The following LRP1B variants were observed in gnomAD, a reference collection of about 807,000 sequenced individuals.
LRP1B encodes the protein LDL receptor related protein 1B.
In LRP1B, 217 loss-of-function variants were observed where a neutral mutation model predicts 556.6. The observed-to-expected ratio is 0.39, with a 90% CI of 0.35 to 0.44. LRP1B has a LOEUF of 0.44. Ranked by LOEUF, LRP1B falls within the 20% of genes least tolerant of loss-of-function variation. The pLI is 1.00. For missense variants in LRP1B, 5,053 were observed against 5,620.8 expected, an observed-to-expected ratio of 0.90 and a Z score of 3.23; for synonymous variants, 2,047 against 1,865.8, an observed-to-expected ratio of 1.10 and a Z score of -2.50.
chr2:140,278,418 G>A (rs1682775888), intron 84 of LRP1B, among the ~76,000 whole-genome samples: 1 of 151,952 alleles, frequency 6.6e-6, no homozygotes, highest in Admixed American at 6.6e-5. Flanking sequence ...ACCTTAGAAT[G>A]TTTTAGAAAT....
At chr2:141,747,792 C>T (rs1321183778) in intron 2 of LRP1B, among the ~76,000 whole-genome samples, 3 of 152,068 alleles carry the variant, frequency 2.0e-5, no homozygotes, top group Admixed American at 2.0e-4. Flanking sequence ...TAGATAATAA[C>T]AACTCAAATT....
At chr2:141,798,573 G>C (rs1013419252) in intron 2 of LRP1B, among the ~76,000 whole-genome samples, 1 of 151,696 alleles carries the variant, frequency 6.6e-6, no homozygotes, top group Admixed American at 6.6e-5. Context: ...TGGGCGTGGT[G>C]GTGGGTGCCT....
At chr2:140,817,758 T>C (rs890904604) in intron 31 of LRP1B, among the ~76,000 whole-genome samples, 3 of 152,122 alleles carry the variant, frequency 2.0e-5, no homozygotes, top group Non-Finnish European at 4.4e-5. Context: ...TAAATAAATA[T>C]ACTATGCAGT....
chr2:140,435,228 T>C (rs1040978503), intron 66 of LRP1B, among the ~76,000 whole-genome samples: 2 of 151,790 alleles, frequency 1.3e-5, no homozygotes, highest in African/African-American at 4.8e-5. Context: ...TAAATCTCCA[T>C]ATTTCTTACA....
At chr2:141,167,961 G>A (rs1466621278) in intron 7 of LRP1B, among the ~76,000 whole-genome samples, 5 of 152,084 alleles carry the variant, frequency 3.3e-5, no homozygotes, top group Non-Finnish European at 7.4e-5. Flanking sequence ...CAACTACTCT[G>A]TGCTAGATGA....
At position 140,495,474 on chromosome 2, in the gene LRP1B, A is replaced by G. The variant is rs1014780911; in HGVS notation, c.9034+91T>C. 4.2e-6 allele frequency: 5 copies of G among 1,191,898 alleles called. No homozygotes were observed. The African/African-American group carries it at 4.5e-5, about 11-fold the overall frequency. The allele number at this position is 1,191,898 out of a possible 1,614,324, so 73.8% of individuals were successfully genotyped here. A position where few individuals can be genotyped will look rare whatever the true frequency, so the allele number is the denominator to read the frequency against. ...AGAATTTTGATTTTTCAGAAGCATC[A>G]AGGAGGAGTGAATTCAATAAGAACG... On this transcript the variant is annotated intron_variant, in intron 56 of 90. Transcript: ENST00000389484.
chr2:140,917,185 T>C (rs1294313228), intron 21 of LRP1B, among the ~76,000 whole-genome samples: 2 of 152,152 alleles, frequency 1.3e-5, no homozygotes, highest in African/African-American at 4.8e-5. Flanking sequence ...TCTGGAACAG[T>C]AACAACACTA....
intron 7 of LRP1B, among the ~76,000 whole-genome samples, chr2:141,106,440 T>A (rs2104952284): frequency 6.6e-6 from 1 of 152,150 alleles, no homozygotes; most frequent in Admixed American, 6.6e-5. Context: ...AATAAATAAA[T>A]AAAAGTTATA....
intron 11 of LRP1B, among the ~76,000 whole-genome samples, chr2:141,031,978 T>A (rs1698386419): frequency 6.6e-6 from 1 of 152,042 alleles, no homozygotes. Flanking sequence ...TTTGTTATTT[T>A]CTTTGTAATT....
At chr2:142,080,600 T>A (rs1268960452) in intron 1 of LRP1B, among the ~76,000 whole-genome samples, 1 of 144,982 alleles carries the variant, frequency 6.9e-6, no homozygotes, top group Non-Finnish European at 1.5e-5. Context: ...CCCAATGTAA[T>A]AAAAGCAATC....
At chr2:140,739,760 T>C (rs1224292905) in intron 35 of LRP1B, among the ~76,000 whole-genome samples, 1 of 152,078 alleles carries the variant, frequency 6.6e-6, no homozygotes, top group African/African-American at 2.4e-5. Context: ...TCTCAGAAAA[T>C]CTTCACAATC....
chr2:140,767,301 T>C (rs13419786), intron 35 of LRP1B, among the ~76,000 whole-genome samples: 10,237 of 151,970 alleles, frequency 0.067, 847 homozygotes, highest in African/African-American at 0.18. Context: ...TTTCTGAAAA[T>C]AACTTTTTCC....
chr2:140,323,525 G>A (rs1680274548), intron 81 of LRP1B, among the ~76,000 whole-genome samples: 1 of 151,910 alleles, frequency 6.6e-6, no homozygotes. Flanking sequence ...ACTGGGTGCA[G>A]CACACCAACA....
At chr2:140,616,691 G>T (rs185804737) in intron 41 of LRP1B, among the ~76,000 whole-genome samples, 2,087 of 151,702 alleles carry the variant, frequency 0.014, 23 homozygotes, top group Middle Eastern at 0.034. Flanking sequence ...GGTATAAATT[G>T]TTTATTAATA....
At chr2:140,934,771 G>A (rs376889581) in intron 20 of LRP1B, among the ~76,000 whole-genome samples, 4 of 152,194 alleles carry the variant, frequency 2.6e-5, no homozygotes, top group East Asian at 3.9e-4. Context: ...TCTCTCCATC[G>A]TTACAAGTCC....
chr2:141,453,599 A>G (rs908732809), intron 3 of LRP1B, among the ~76,000 whole-genome samples: 5 of 152,142 alleles, frequency 3.3e-5, no homozygotes, highest in African/African-American at 1.2e-4. Flanking sequence ...TGCTTCCATA[A>G]TTATTTTGAA....
intron 2 of LRP1B, among the ~76,000 whole-genome samples, chr2:141,740,444 A>G (rs931530236): frequency 6.6e-6 from 1 of 152,158 alleles, no homozygotes; most frequent in Admixed American, 6.6e-5. Flanking sequence ...AACTTTTAAC[A>G]TTATTTTTAA....
rs576564551 is a variant in LRP1B, at chr2:141,527,446, A to G, written c.206-46913T>C. Among the ~76,000 whole-genome samples, 9 of 152,180 alleles carry G rather than the reference A, an allele frequency of 5.9e-5. No homozygotes were observed. The South Asian group carries it at 1.7e-3, about 28-fold the overall frequency. ...AAAATCACCAATTCTAGTCACAACC[A>G]GGGAGGAAATTTAGTAACTCTTCAT... On this transcript the variant is annotated intron_variant, in intron 2 of 90. Transcript: ENST00000389484.
chr2:141,910,964 C>T (rs1385231891), intron 1 of LRP1B, among the ~76,000 whole-genome samples: 2 of 151,842 alleles, frequency 1.3e-5, no homozygotes, highest in Non-Finnish European at 2.9e-5. Flanking sequence ...TCAAATGTTC[C>T]AATAAATTTG....
Sources: gnomAD v4.1 joint callset for allele counts (sites outside exome capture counted in the v4.1 genomes callset) on GRCh38, gnomAD v4.1.1 for gene constraint, MANE v1.5 for transcripts, NCBI Gene and HGNC (gene_info 2026-07-23, HGNC 2026-07-21) for gene names.